Variants in TNRC6A observed in about 807,000 individuals in gnomAD.
TNRC6A encodes trinucleotide repeat-containing gene 6A protein.
Under a neutral mutation model 221.2 loss-of-function variants are expected in TNRC6A, and 44 were observed. The ratio of observed to expected loss-of-function variants is 0.20; its 90% CI spans 0.16 to 0.26. TNRC6A has a LOEUF of 0.26. Among genes scored for constraint, TNRC6A ranks in the 10% least tolerant of loss-of-function variants. The probability of loss-of-function intolerance (pLI) is 1.00; values close to 1 mark genes in which losing one functional copy is unlikely to be tolerated. For missense variants in TNRC6A, 2,199 were observed against 2,404.4 expected (o/e 0.91, Z 1.79); for synonymous variants, 847 against 838.5 (o/e 1.01, Z -0.18).
chr16:24,730,387 C>T (rs2056602958), intron 2 of TNRC6A, 87 bp downstream of exon 2: 1 of 1,492,790 alleles, frequency 6.7e-7, no homozygotes, highest in East Asian at 2.6e-5. Context: ...AGAAGTTCCC[C>T]CGTGACATTT....
intron 4 of TNRC6A, among the ~76,000 whole-genome samples, chr16:24,774,832 A>G (rs1411610209): frequency 5.3e-5 from 8 of 152,210 alleles, no homozygotes; most frequent in Non-Finnish European, 1.0e-4. Flanking sequence ...CTTATATAAA[A>G]TGGTGTAGTA....
At chr16:24,621,345 CTTT>C (rs1265818474) in intron 1 of TNRC6A, among the ~76,000 whole-genome samples, 4 of 73,956 alleles carry the variant, frequency 5.4e-5, no homozygotes, top group Admixed American at 1.8e-4. Flanking sequence ...AGAATATGGT[CTTT>C]TTTTTTTTTT....
At chr16:24,777,433 T>A in intron 5 of TNRC6A, 75 bp downstream of exon 5, 1 of 1,452,232 alleles carries the variant, frequency 6.9e-7, no homozygotes, top group East Asian at 2.3e-5. Flanking sequence ...AATTCGTAGC[T>A]TTTTGGTGAT....
At chr16:24,700,455 A>T (rs2055949864) in intron 2 of TNRC6A, among the ~76,000 whole-genome samples, 1 of 151,920 alleles carries the variant, frequency 6.6e-6, no homozygotes. Context: ...GGCTGGTCTT[A>T]CGAACTCCTA....
At chr16:24,661,412 G>A (rs749043235) in intron 2 of TNRC6A, 12 of 151,736 alleles carry the variant, frequency 7.9e-5, no homozygotes, top group Non-Finnish European at 1.8e-4. Flanking sequence ...AAATTGCTTT[G>A]TTTTGTTTTG....
intron 2 of TNRC6A, among the ~76,000 whole-genome samples, chr16:24,680,186 T>A (rs1411582363): frequency 6.6e-6 from 1 of 151,692 alleles, no homozygotes; most frequent in Non-Finnish European, 1.5e-5. Flanking sequence ...CCTAGCACTT[T>A]GGGAGGCTGA....
chr16:24,702,106 T>C (rs763672188), intron 2 of TNRC6A, among the ~76,000 whole-genome samples: 4 of 36,956 alleles, frequency 1.1e-4, no homozygotes, highest in African/African-American at 5.2e-4. Flanking sequence ...TTTTCTTTTT[T>C]CTTTTTTTTT....
intron 3 of TNRC6A, among the ~76,000 whole-genome samples, chr16:24,754,029 A>G (rs1459157978): frequency 6.6e-6 from 1 of 152,118 alleles, no homozygotes; most frequent in African/African-American, 2.4e-5. Context: ...ATTTTTTGTC[A>G]TTTAAAGGTG....
intron 2 of TNRC6A, among the ~76,000 whole-genome samples, chr16:24,698,912 G>T (rs1025906207): frequency 1.3e-5 from 2 of 152,112 alleles, no homozygotes; most frequent in African/African-American, 4.8e-5. Flanking sequence ...GTTTCACTAT[G>T]TTGGCCAGGC....
intron 2 of TNRC6A, among the ~76,000 whole-genome samples, chr16:24,692,129 G>T (rs764545209): frequency 6.6e-6 from 1 of 152,084 alleles, no homozygotes; most frequent in Non-Finnish European, 1.5e-5. Flanking sequence ...CATGCTACAG[G>T]GTTTCTTTTG....
At chr16:24,808,487 A>G (rs935336510) in intron 17 of TNRC6A, among the ~76,000 whole-genome samples, 5 of 152,236 alleles carry the variant, frequency 3.3e-5, no homozygotes, top group African/African-American at 1.2e-4. Flanking sequence ...GCATGGAGAC[A>G]CCGGGACCAT....
intron 3 of TNRC6A, among the ~76,000 whole-genome samples, chr16:24,751,064 C>T (rs2057126137): frequency 6.6e-6 from 1 of 152,108 alleles, no homozygotes; most frequent in South Asian, 2.1e-4. Flanking sequence ...TTTCAAATAG[C>T]TGTTCCTAGG....
chr16:24,805,579 C>G lies in TNRC6A; in HGVS notation c.4123-26C>G, dbSNP rs773688870. On this transcript the variant is annotated intron_variant, in intron 14 of 24. Coordinates refer to ENST00000395799, the MANE Select transcript of TNRC6A (RefSeq NM_014494.4). ...TTAGTGTGAGTTATTTTATCAAGAT[C>G]ATTAACTTACCATTGTGATCCTAAG... 3.7e-6 allele frequency: 6 copies of G among 1,613,014 alleles called. No individual in the cohort carries two copies. The East Asian group carries it at 1.3e-4, about 36-fold the overall frequency.
intron 2 of TNRC6A, among the ~76,000 whole-genome samples, chr16:24,675,659 A>ACTCT (rs71381700): frequency 0.015 from 564 of 37,380 alleles, 9 homozygotes; most frequent in Non-Finnish European, 0.019. Flanking sequence ...CCAGCCAGAG[A>ACTCT]CTCTCTCTCT....
chr16:24,765,463 AG>A (rs906628613), intron 4 of TNRC6A, among the ~76,000 whole-genome samples: 1 of 152,136 alleles, frequency 6.6e-6, no homozygotes, highest in Non-Finnish European at 1.5e-5. Context: ...GTTGGGGCTT[AG>A]TTCACTGTTT....
intron 2 of TNRC6A, among the ~76,000 whole-genome samples, chr16:24,739,462 G>A (rs2056844365): frequency 6.8e-6 from 1 of 146,152 alleles, no homozygotes; most frequent in African/African-American, 2.5e-5. Flanking sequence ...TTCCTATTTT[G>A]TGGCTTTTCC....
At chr16:24,746,213 AG>A (rs1345680044) in intron 2 of TNRC6A, among the ~76,000 whole-genome samples, 4 of 152,124 alleles carry the variant, frequency 2.6e-5, no homozygotes, top group Non-Finnish European at 5.9e-5. Context: ...TTCTTATTTC[AG>A]ATGTGTTCAG....
chr16:24,804,738 C>T lies in TNRC6A; in HGVS notation c.3871C>T (p.Gln1291Ter), dbSNP rs1171598961. Residue 1291 changes from glutamine (Q) to a stop codon, truncating the protein, a stop_gained, in exon 13 of 25, where the codon CAG (glutamine) becomes TAG (stop). Transcript: ENST00000395799. LOFTEE classifies it high-confidence loss of function. ...TGTAGCAGATGAATCCCAAAACATG[C>T]AGTTTATGTCCAGTCAAAGCATGAA... ...GIVADESQNM[Q>*]FMSSQSMKLP... 1 of 1,599,960 alleles carries T rather than the reference C, an allele frequency of 6.3e-7. No individual in the cohort carries two copies. Among genetic ancestry groups the T allele is most frequent in the African/African-American group, 1.4e-5 (1 of 73,940 alleles).
At chr16:24,738,853 G>C (rs975257399) in intron 2 of TNRC6A, among the ~76,000 whole-genome samples, 3 of 152,130 alleles carry the variant, frequency 2.0e-5, no homozygotes, top group Admixed American at 2.0e-4. Context: ...ACTTTTGTTT[G>C]TGTTGTTTTG....
Sources: gnomAD v4.1 joint callset for allele counts (sites outside exome capture counted in the v4.1 genomes callset) on GRCh38, gnomAD v4.1.1 for gene constraint, MANE v1.5 for transcripts, NCBI Gene and HGNC (gene_info 2026-07-23, HGNC 2026-07-21) for gene names.